BMPR1A: variants seen among roughly 807,000 people sequenced by gnomAD.
BMPR1A encodes bone morphogenetic protein receptor type-1A.
A neutral mutation model predicts 66.0 loss-of-function variants in BMPR1A; 7 were observed. That is an observed-to-expected ratio of 0.11 (90% CI 0.06 to 0.20). BMPR1A has a LOEUF of 0.20. Among genes scored for constraint, BMPR1A ranks in the 10% least tolerant of loss-of-function variants. The pLI is 1.00. For synonymous variants in BMPR1A, 200 were observed against 229.7 expected (o/e 0.87, Z 1.17); for missense variants, 408 against 669.1 (o/e 0.61, Z 4.31).
At chr10:86,901,602 T>C (rs944303290) in intron 7 of BMPR1A, among the ~76,000 whole-genome samples, 1 of 152,240 alleles carries the variant, frequency 6.6e-6, no homozygotes, top group Non-Finnish European at 1.5e-5. Flanking sequence ...TGTTTACTGT[T>C]ATTTTATCTC....
intron 1 of BMPR1A, among the ~76,000 whole-genome samples, chr10:86,774,615 A>C (rs1271995085): frequency 6.6e-6 from 1 of 152,244 alleles, no homozygotes; most frequent in Non-Finnish European, 1.5e-5. Context: ...TGCTGCAAGC[A>C]AAATCAGACA....
intron 5 of BMPR1A, among the ~76,000 whole-genome samples, chr10:86,898,326 CTATT>C (rs1589767392): frequency 6.6e-6 from 1 of 152,020 alleles, no homozygotes; most frequent in Admixed American, 6.5e-5. Context: ...ATTCCATTAT[CTATT>C]GTAGTTTCCA....
intron 1 of BMPR1A, among the ~76,000 whole-genome samples, chr10:86,766,303 ATTCT>A (rs1478854538): frequency 6.6e-6 from 1 of 152,106 alleles, no homozygotes; most frequent in Non-Finnish European, 1.5e-5. Flanking sequence ...TAATCATCTC[ATTCT>A]TTATAGTAGT....
In BMPR1A at chr10:86,842,238, G is replaced by C. The variant is rs74153416; in HGVS notation, c.-153+3259G>C. Among the ~76,000 whole-genome samples, 1,304 of 152,282 alleles carry C rather than the reference G, an allele frequency of 8.6e-3. 21 individuals carry two copies. The highest frequency in any genetic ancestry group is 0.029 in the African/African-American group (1,191 of 41,540). ...GAGGTTCCAGCTGGTGTCTGATGCA[G>C]AATTGTCTGCTTGCTTGTTGATGGG... On this transcript the variant is annotated intron_variant, in intron 2 of 12. Transcript: ENST00000372037.
chr10:86,760,670 T>C (rs951974180), intron 1 of BMPR1A, among the ~76,000 whole-genome samples: 1 of 151,700 alleles, frequency 6.6e-6, no homozygotes, highest in Non-Finnish European at 1.5e-5. Context: ...TGTTGAACTG[T>C]CCTGATCTGA....
intron 3 of BMPR1A, among the ~76,000 whole-genome samples, chr10:86,883,332 T>C (rs1040091853): frequency 2.0e-5 from 3 of 151,746 alleles, no homozygotes; most frequent in Admixed American, 6.6e-5. Context: ...GGGCGGATCA[T>C]GAGGTCAGGA....
chr10:86,806,614 C>T (rs549918677), intron 1 of BMPR1A, among the ~76,000 whole-genome samples: 4 of 152,156 alleles, frequency 2.6e-5, no homozygotes, highest in South Asian at 2.1e-4. Flanking sequence ...TGTGGTGGTG[C>T]GATCACAGCT....
At chr10:86,845,370 T>C (rs1389372765) in intron 2 of BMPR1A, among the ~76,000 whole-genome samples, 1 of 152,170 alleles carries the variant, frequency 6.6e-6, no homozygotes. Flanking sequence ...GAGACATGCA[T>C]GCACCAACTT....
At chr10:86,918,689 T>C (rs1843613105) in intron 9 of BMPR1A, among the ~76,000 whole-genome samples, 1 of 151,466 alleles carries the variant, frequency 6.6e-6, no homozygotes, top group South Asian at 2.1e-4. Context: ...AGTGGCGCCA[T>C]CTTGGCTCAC....
intron 7 of BMPR1A, among the ~76,000 whole-genome samples, chr10:86,908,523 G>A (rs77364252): frequency 1.3e-5 from 2 of 152,192 alleles, no homozygotes; most frequent in African/African-American, 4.8e-5. Context: ...AATTCCTTCA[G>A]TGATGGGCTG....
intron 5 of BMPR1A, among the ~76,000 whole-genome samples, chr10:86,897,495 TG>T (rs1433752512): frequency 6.6e-6 from 1 of 152,246 alleles, no homozygotes; most frequent in Non-Finnish European, 1.5e-5. Flanking sequence ...GAATCTCATC[TG>T]GGATTCATGT....
rs1843759240 is a variant in BMPR1A at position 86,927,285 on chromosome 10, ATGT to A, written c.*3571_*3573del. ...CAGCTTTCATAAACATACTTCATAG[ATGT>A]TGTTTTGAAATGTTTCTAAATATCT... On this transcript the variant is annotated 3_prime_UTR_variant, in exon 13 of 13. Coordinates refer to ENST00000372037, the MANE Select transcript of BMPR1A (RefSeq NM_004329.3). The A allele has an allele frequency of 5.2e-6, 1 of 191,994 alleles. No individual in the cohort carries two copies. The allele number at this position is 191,994 out of a possible 1,614,324, so 11.9% of individuals were successfully genotyped here.
At chr10:86,796,260 A>AT (rs1328547894) in intron 1 of BMPR1A, among the ~76,000 whole-genome samples, 1 of 152,094 alleles carries the variant, frequency 6.6e-6, no homozygotes, top group Non-Finnish European at 1.5e-5. Flanking sequence ...ATAAATATGT[A>AT]TTTATAAATA....
At chr10:86,856,110 G>A (rs1671989183) in intron 2 of BMPR1A, 1 of 524,778 alleles carries the variant, frequency 1.9e-6, no homozygotes, top group Non-Finnish European at 3.7e-6. Context: ...TAATATCATA[G>A]ACTTTATTGG....
At position 86,762,484 on chromosome 10, in the gene BMPR1A, G is replaced by A. The variant is rs73346157; in HGVS notation, c.-268+5565G>A. Among the ~76,000 whole-genome samples, 1,787 of 152,100 alleles carry A rather than the reference G, an allele frequency of 0.012. 37 individuals are homozygous for A. Among genetic ancestry groups the A allele is most frequent in the African/African-American group, 0.041 (1,682 of 41,500 alleles). On this transcript the variant is annotated intron_variant, in intron 1 of 12. Coordinates refer to ENST00000372037, the MANE Select transcript of BMPR1A (RefSeq NM_004329.3). ...AGTGATTATCCTGGCTCAGCTTCCCGAGTAGCTGGGTTTAACAGGCGCCCG... is the reference window on the plus strand; with the variant it reads ...AGTGATTATCCTGGCTCAGCTTCCCAAGTAGCTGGGTTTAACAGGCGCCCG...
chr10:86,787,738 A>G (rs964924553), intron 1 of BMPR1A, among the ~76,000 whole-genome samples: 1 of 152,228 alleles, frequency 6.6e-6, no homozygotes, highest in African/African-American at 2.4e-5. Flanking sequence ...GAGAGGCCTC[A>G]GGAAACTTAC....
intron 1 of BMPR1A, among the ~76,000 whole-genome samples, chr10:86,830,105 GC>G: frequency 6.6e-6 from 1 of 152,256 alleles, no homozygotes; most frequent in Non-Finnish European, 1.5e-5. Flanking sequence ...CTGGTTGAGG[GC>G]CAGTGGATGG....
In BMPR1A at chr10:86,921,696, G is replaced by A. The variant is rs766986283; in HGVS notation, c.1342+1G>A. 1 of 1,614,184 alleles carries A rather than the reference G, an allele frequency of 6.2e-7. No individual in the cohort carries two copies. Among genetic ancestry groups the A allele is most frequent in the South Asian group, 1.1e-5 (1 of 91,074 alleles). ...ATGGCTCGTCGTTGTATCACAGGAG[G>A]TGGGAGTTTGAGTAGTTTCTGATTA... On this transcript the variant is annotated splice_donor_variant, in intron 11 of 12. Coordinates refer to ENST00000372037, the MANE Select transcript of BMPR1A (RefSeq NM_004329.3). LOFTEE classifies it high-confidence loss of function.
intron 3 of BMPR1A, among the ~76,000 whole-genome samples, chr10:86,882,376 T>C (rs1178595372): frequency 6.6e-6 from 1 of 151,836 alleles, no homozygotes; most frequent in Non-Finnish European, 1.5e-5. Context: ...TGAGCCGAGA[T>C]TGGGCCACTG....
Sources: gnomAD v4.1 joint callset for allele counts (sites outside exome capture counted in the v4.1 genomes callset) on GRCh38, gnomAD v4.1.1 for gene constraint, MANE v1.5 for transcripts, NCBI Gene and HGNC (gene_info 2026-07-23, HGNC 2026-07-21) for gene names.